Variants in ZFAND3 observed in about 807,000 individuals in gnomAD.
ZFAND3 encodes the protein AN1-type zinc finger protein 3.
Under a neutral mutation model 29.6 loss-of-function variants are expected in ZFAND3, and 10 were observed. The ratio of observed to expected loss-of-function variants is 0.34; its 90% CI spans 0.21 to 0.57. ZFAND3 has a LOEUF of 0.57. ZFAND3 is among the 20% of genes least tolerant of loss of function. The probability of loss-of-function intolerance (pLI) is 0.86; values close to 1 mark genes in which losing one functional copy is unlikely to be tolerated. For synonymous variants in ZFAND3, 128 were observed against 112.6 expected, an observed-to-expected ratio of 1.14 and a Z score of -0.87; for missense variants, 230 against 304.5, an observed-to-expected ratio of 0.76 and a Z score of 1.82.
intron 2 of ZFAND3, among the ~76,000 whole-genome samples, chr6:38,041,906 G>A (rs548683684): frequency 1.8e-4 from 26 of 144,174 alleles, no homozygotes; most frequent in African/African-American, 6.5e-4. Context: ...ACACAATCTC[G>A]CCTCACCGCA....
intron 2 of ZFAND3, among the ~76,000 whole-genome samples, chr6:38,000,175 A>G (rs1289170530): frequency 6.6e-6 from 1 of 152,220 alleles, no homozygotes; most frequent in Non-Finnish European, 1.5e-5. Flanking sequence ...ACTTACTGTG[A>G]TGATCCTGAG....
chr6:38,003,858 G>T, intron 2 of ZFAND3: 1 of 439,194 alleles, frequency 2.3e-6, no homozygotes, highest in East Asian at 7.6e-5. Flanking sequence ...CTGCCTTCAG[G>T]GAACCCCTCA....
At chr6:38,015,729 T>G (rs1763242219) in intron 2 of ZFAND3, among the ~76,000 whole-genome samples, 2 of 152,252 alleles carry the variant, frequency 1.3e-5, no homozygotes, top group South Asian at 4.1e-4. Context: ...TTGTGGATAC[T>G]TATTTGTAGA....
intron 2 of ZFAND3, among the ~76,000 whole-genome samples, chr6:38,039,527 T>C (rs1763720637): frequency 6.6e-6 from 1 of 152,190 alleles, no homozygotes; most frequent in Non-Finnish European, 1.5e-5. Context: ...AGAGTAGTAG[T>C]CAGAAGATAA....
intron 2 of ZFAND3, among the ~76,000 whole-genome samples, chr6:38,025,552 A>T (rs573179930): frequency 6.6e-6 from 1 of 152,264 alleles, no homozygotes; most frequent in South Asian, 2.1e-4. Context: ...TCTTAGTGAA[A>T]TAGTTATGCT....
chr6:37,957,965 A>G (rs1195236201), intron 2 of ZFAND3, among the ~76,000 whole-genome samples: 1 of 152,208 alleles, frequency 6.6e-6, no homozygotes, highest in Admixed American at 6.5e-5. Context: ...GTGTACACAA[A>G]TCAAATAGAG....
chr6:38,053,398 T>C (rs1025928576), intron 2 of ZFAND3, among the ~76,000 whole-genome samples: 5 of 151,890 alleles, frequency 3.3e-5, no homozygotes, highest in African/African-American at 1.2e-4. Flanking sequence ...TAAGATGTTA[T>C]CGAGTCTGGG....
At chr6:38,088,006 T>C (rs1160315537) in intron 4 of ZFAND3, among the ~76,000 whole-genome samples, 1 of 152,216 alleles carries the variant, frequency 6.6e-6, no homozygotes, top group Non-Finnish European at 1.5e-5. Flanking sequence ...TAAAGAGTGT[T>C]GGTATTAAAT....
chr6:38,140,098 A>C (rs1003136464), intron 5 of ZFAND3, among the ~76,000 whole-genome samples: 1 of 152,174 alleles, frequency 6.6e-6, no homozygotes, highest in East Asian at 1.9e-4. Flanking sequence ...ATTGAAGAAG[A>C]AGCAGATTTG....
At chr6:37,890,115 A>G (rs1765065704) in intron 1 of ZFAND3, among the ~76,000 whole-genome samples, 1 of 152,198 alleles carries the variant, frequency 6.6e-6, no homozygotes. Context: ...CATGAGTCCT[A>G]TGGTTCCTTC....
intron 4 of ZFAND3, among the ~76,000 whole-genome samples, chr6:38,082,772 T>C (rs1240940499): frequency 2.0e-5 from 3 of 152,226 alleles, no homozygotes; most frequent in African/African-American, 7.2e-5. Context: ...ATGTAACTAA[T>C]CTGAGGGCCA....
At chr6:37,866,661 A>G (rs1471262899) in intron 1 of ZFAND3, among the ~76,000 whole-genome samples, 3 of 152,194 alleles carry the variant, frequency 2.0e-5, no homozygotes, top group South Asian at 2.1e-4. Context: ...GTTGAAAAAG[A>G]CATTTTGAGT....
chr6:37,914,358 G>GT (rs999413769), intron 1 of ZFAND3, among the ~76,000 whole-genome samples: 2 of 152,062 alleles, frequency 1.3e-5, no homozygotes, highest in South Asian at 2.1e-4. Context: ...GTTTTGTTTT[G>GT]TTTTTTGAGA....
intron 5 of ZFAND3, among the ~76,000 whole-genome samples, chr6:38,144,339 T>G (rs572770264): frequency 1.3e-5 from 2 of 151,992 alleles, no homozygotes; most frequent in South Asian, 4.2e-4. Flanking sequence ...CATGAGTTGA[T>G]GTACCACTTG....
chr6:37,932,365 C>G (rs1404486950), intron 2 of ZFAND3, among the ~76,000 whole-genome samples: 2 of 152,138 alleles, frequency 1.3e-5, no homozygotes, highest in East Asian at 3.8e-4. Flanking sequence ...GAAAGGTTAA[C>G]TTTATAGTGA....
intron 3 of ZFAND3, among the ~76,000 whole-genome samples, chr6:38,080,785 A>C (rs1764646580): frequency 6.6e-6 from 1 of 152,148 alleles, no homozygotes; most frequent in African/African-American, 2.4e-5. Flanking sequence ...AGGGTTTTTG[A>C]GGATGTTGAG....
chr6:37,847,513 G>T (rs1258057538), intron 1 of ZFAND3, among the ~76,000 whole-genome samples: 1 of 152,170 alleles, frequency 6.6e-6, no homozygotes, highest in Non-Finnish European at 1.5e-5. Context: ...GGTAGAGGTT[G>T]CAGTGAGCCG....
intron 2 of ZFAND3, among the ~76,000 whole-genome samples, chr6:38,034,850 A>G (rs534418836): frequency 6.8e-4 from 103 of 152,194 alleles, no homozygotes; most frequent in Admixed American, 1.7e-3. Context: ...GATACATACA[A>G]TTGTTCTCAT....
At chr6:37,982,322 C>T (rs911773594) in intron 2 of ZFAND3, among the ~76,000 whole-genome samples, 1 of 151,512 alleles carries the variant, frequency 6.6e-6, no homozygotes. Flanking sequence ...TTTGGGGTCC[C>T]GAGATATATT....
Sources: gnomAD v4.1 joint callset for allele counts (sites outside exome capture counted in the v4.1 genomes callset) on GRCh38, gnomAD v4.1.1 for gene constraint, MANE v1.5 for transcripts, NCBI Gene and HGNC (gene_info 2026-07-23, HGNC 2026-07-21) for gene names.